Variants in SERPING1 observed in about 807,000 individuals in gnomAD.
SERPING1 encodes the protein serpin family G member 1.
SERPING1 carries 5 observed loss-of-function variants against 34.1 expected under a neutral mutation model. The observed-to-expected ratio is 0.15, with a 90% CI of 0.08 to 0.31. SERPING1 has a LOEUF of 0.31. Among genes scored for constraint, SERPING1 ranks in the 10% least tolerant of loss-of-function variants. SERPING1 has a pLI of 1.00. For synonymous variants in SERPING1, 225 were observed against 242.4 expected, an observed-to-expected ratio of 0.93 and a Z score of 0.67; for missense variants, 505 against 609.5, an observed-to-expected ratio of 0.83 and a Z score of 1.81.
intron 2 of SERPING1, 150 bp from the exon 3 acceptor site, chr11:57,599,729 A>G: frequency 9.4e-7 from 1 of 1,066,634 alleles, no homozygotes. Context: ...TGGTGGTTCT[A>G]AGACAGATTG....
chr11:57,599,763 T>G, intron 2 of SERPING1, 116 bp from the exon 3 acceptor site: 1 of 1,450,692 alleles, frequency 6.9e-7, no homozygotes, highest in Non-Finnish European at 9.6e-7. Context: ...CTGTCAGAAA[T>G]TACTCTCTTG....
In SERPING1 at chr11:57,606,293, A is replaced by G. The variant is rs996509176; in HGVS notation, c.889+80A>G. ...TGGCTTCAAAGCCCACTTAACCCCAAGTTCTACAATCGGATCTCAATGTCC... is the reference window on the plus strand; with the variant it reads ...TGGCTTCAAAGCCCACTTAACCCCAGGTTCTACAATCGGATCTCAATGTCC... On this transcript the variant is annotated intron_variant, in intron 5 of 7. Transcript: ENST00000278407. 1.9e-6 allele frequency: 3 copies of G among 1,599,486 alleles called. No individual in the cohort carries two copies. The African/African-American group carries it at 4.0e-5, about 21-fold the overall frequency.
At chr11:57,597,973 C>T (rs543365482) in intron 1 of SERPING1, 2 of 491,972 alleles carry the variant, frequency 4.1e-6, no homozygotes, top group Non-Finnish European at 3.7e-6. Flanking sequence ...AGCAGGACCC[C>T]CTCCCCCTCC....
chr11:57,600,399 C>T (rs750850167), intron 3 of SERPING1, 22 bp downstream of exon 3: 3 of 1,611,872 alleles, frequency 1.9e-6, no homozygotes, highest in South Asian at 2.2e-5. Flanking sequence ...CTTGAATTCT[C>T]TCCAGGTCAT....
Position 57,600,210 on chromosome 11 carries a change from C to G in SERPING1, c.383C>G (p.Thr128Ser). The G allele has an allele frequency of 6.2e-7, 1 of 1,606,182 alleles. No individual in the cohort carries two copies. Among genetic ancestry groups the G allele is most frequent in the Non-Finnish European group, 8.5e-7 (1 of 1,175,350 alleles). ...GGGTCCTTCTGCCCAGGACCTGTTA[C>G]TCTCTGCTCTGACTTGGAGAGTCAT... is the stretch of plus-strand genomic sequence containing the variant. Reference protein sequence around the residue: ...TTGSFCPGPVTLCSDLESHST... With the variant: ...TTGSFCPGPVSLCSDLESHST... Residue 128 changes from threonine (T) to serine (S), a missense_variant, in exon 3 of 8, where the codon ACT (threonine) becomes AGT (serine). Transcript: ENST00000278407.
chr11:57,605,920 A>C, intron 4 of SERPING1, 90 bp from the exon 5 acceptor site: 1 of 1,193,962 alleles, frequency 8.4e-7, no homozygotes, highest in Non-Finnish European at 1.3e-6. Flanking sequence ...AGCAGATAGA[A>C]CCATAGAAAG....
chr11:57,599,799 C>A, intron 2 of SERPING1, 80 bp from the exon 3 acceptor site: 1 of 1,600,848 alleles, frequency 6.2e-7, no homozygotes. Context: ...ACATCCACAC[C>A]TTCTCTTCCT....
chr11:57,599,778 G>A, intron 2 of SERPING1, 101 bp from the exon 3 acceptor site: 1 of 1,535,712 alleles, frequency 6.5e-7, no homozygotes, highest in Non-Finnish European at 9.0e-7. Flanking sequence ...CTCTTGTACA[G>A]GACATTTTCC....
In SERPING1 at chr11:57,611,502, T is replaced by G. The variant is rs1240627316; in HGVS notation, c.1030-215T>G. 6 of 601,338 alleles carry G rather than the reference T, an allele frequency of 1.0e-5. No homozygotes were observed. In the East Asian group the frequency reaches 1.4e-4, roughly 14 times the overall value. 37.3% of individuals were successfully genotyped at this position (601,338 alleles called of 1,614,324 possible). ...TCAGGGTATAATCAGAAACTCATGC[T>G]CCTTCCTCTACCTCTCCCCAGCACA... is the stretch of plus-strand genomic sequence containing the variant. On this transcript the variant is annotated intron_variant, in intron 6 of 7. Transcript: ENST00000278407.
At chr11:57,598,780 G>A (rs886547310) in intron 2 of SERPING1, among the ~76,000 whole-genome samples, 2 of 152,112 alleles carry the variant, frequency 1.3e-5, no homozygotes, top group Non-Finnish European at 2.9e-5. Flanking sequence ...TAGGGCCTGT[G>A]AAGACAGGGA....
intron 4 of SERPING1, among the ~76,000 whole-genome samples, chr11:57,605,384 C>T (rs184828412): frequency 3.3e-5 from 5 of 151,988 alleles, no homozygotes; most frequent in Middle Eastern, 3.4e-3. Flanking sequence ...CTGCAACCTC[C>T]GTCTCCCAGA....
chr11:57,605,966 G>A (rs779085888), intron 4 of SERPING1, 44 bp from the exon 5 acceptor site: 42 of 1,548,710 alleles, frequency 2.7e-5, no homozygotes, highest in African/African-American at 8.2e-5. Context: ...TGGAAAGAAC[G>A]ACGTGTTCAG....
At chr11:57,613,733 C>T (rs1344850470) in intron 7 of SERPING1, among the ~76,000 whole-genome samples, 1 of 152,150 alleles carries the variant, frequency 6.6e-6, no homozygotes, top group Non-Finnish European at 1.5e-5. Flanking sequence ...CCTCTCTTCT[C>T]CCCAGAGGAT....
chr11:57,606,313 A>G, intron 5 of SERPING1, 95 bp from the exon 6 acceptor site: 1 of 1,595,612 alleles, frequency 6.3e-7, no homozygotes, highest in Non-Finnish European at 8.6e-7. Context: ...TCGGATCTCA[A>G]TGTCCCTGCA....
intron 6 of SERPING1, among the ~76,000 whole-genome samples, chr11:57,608,214 TAG>T (rs1945433776): frequency 6.6e-6 from 1 of 152,306 alleles, no homozygotes; most frequent in East Asian, 1.9e-4. Context: ...ATCAAAGCCA[TAG>T]ATGTTAGGTG....
chr11:57,598,532 C>CA (rs1945313372), intron 2 of SERPING1, among the ~76,000 whole-genome samples: 1 of 152,138 alleles, frequency 6.6e-6, no homozygotes, highest in Non-Finnish European at 1.5e-5. Flanking sequence ...TCTTGGCGGG[C>CA]CATGTAGGAG....
chr11:57,614,272 T>A (rs1945511147), intron 7 of SERPING1, 56 bp from the exon 8 acceptor site: 1 of 1,604,504 alleles, frequency 6.2e-7, no homozygotes, highest in Non-Finnish European at 8.5e-7. Flanking sequence ...AAGGTCTCCA[T>A]CAGCTGAGGG....
chr11:57,599,253 G>C (rs1421236358), intron 2 of SERPING1, among the ~76,000 whole-genome samples: 1 of 152,084 alleles, frequency 6.6e-6, no homozygotes, highest in Non-Finnish European at 1.5e-5. Flanking sequence ...CTTCCCTGCT[G>C]TCTCCCTGTG....
rs376218168 is a variant in SERPING1 at position 57,600,034 on chromosome 11, C to T, written c.207C>T (p.Asn69=). The stretch of plus-strand genomic sequence containing the variant: ...AGGTTTCCAGCTTGCCGACAACCAA[C>T]TCAACAACCAATTCAGCCACCAAAA... ...ILEVSSLPTT[N]STTNSATKIT... Residue 69 remains asparagine, a synonymous_variant, in exon 3 of 8, where the codon AAC becomes AAT. Transcript: ENST00000278407. The T allele has an allele frequency of 1.4e-4, 227 of 1,614,046 alleles. No homozygotes were observed. Among genetic ancestry groups the T allele is most frequent in the Non-Finnish European group, 1.9e-4 (225 of 1,180,040 alleles).
Sources: gnomAD v4.1 joint callset for allele counts (sites outside exome capture counted in the v4.1 genomes callset) on GRCh38, gnomAD v4.1.1 for gene constraint, MANE v1.5 for transcripts, NCBI Gene and HGNC (gene_info 2026-07-23, HGNC 2026-07-21) for gene names.